The following TSPAN3 variants were observed in gnomAD, a reference collection of about 807,000 sequenced individuals.
TSPAN3 encodes tetraspanin-3.
In TSPAN3, 9 loss-of-function variants were observed where a neutral mutation model predicts 31.1. The observed-to-expected ratio is 0.29, with a 90% CI of 0.17 to 0.50. The LOEUF (loss-of-function observed/expected upper bound fraction) is 0.50, where lower values mean the gene tolerates loss of function less well. Ranked by LOEUF, TSPAN3 falls within the 20% of genes least tolerant of loss-of-function variation. TSPAN3 has a pLI of 0.98. For synonymous variants in TSPAN3, 129 were observed against 114.3 expected, an observed-to-expected ratio of 1.13 and a Z score of -0.82; for missense variants, 252 against 313.5, an observed-to-expected ratio of 0.80 and a Z score of 1.48.
chr15:77,068,917 T>C (rs982333749), intron 1 of TSPAN3, among the ~76,000 whole-genome samples: 1 of 152,242 alleles, frequency 6.6e-6, no homozygotes, highest in African/African-American at 2.4e-5. Context: ...TCCATGTTTT[T>C]GCTATTGTGA....
chr15:77,060,645 T>C (rs2076795297), intron 1 of TSPAN3, among the ~76,000 whole-genome samples: 2 of 151,760 alleles, frequency 1.3e-5, no homozygotes, highest in East Asian at 1.9e-4. Flanking sequence ...AGGGCCATGA[T>C]GGGATTGAGA....
intron 6 of TSPAN3, among the ~76,000 whole-genome samples, chr15:77,050,542 A>C (rs768905572): frequency 2.6e-5 from 4 of 152,222 alleles, no homozygotes; most frequent in Non-Finnish European, 4.4e-5. Context: ...GGACATAGCT[A>C]AAGTGATTAT....
chr15:77,053,029 G>A lies in TSPAN3; in HGVS notation c.433-100C>T. ...AAATAAGCTACTCTAGACCAGTGATGTCCGATACAACTTTCTATAATGGAA... is the reference window on the plus strand; with the variant it reads ...AAATAAGCTACTCTAGACCAGTGATATCCGATACAACTTTCTATAATGGAA... On this transcript the variant is annotated intron_variant, in intron 4 of 6. Coordinates refer to ENST00000267970, the MANE Select transcript of TSPAN3 (RefSeq NM_005724.6). 1.6e-5 allele frequency: 18 copies of A among 1,149,556 alleles called. No homozygotes were observed. In the South Asian group the frequency reaches 2.5e-4, roughly 16 times the overall value. 71.2% of individuals were successfully genotyped at this position (1,149,556 alleles called of 1,614,324 possible).
chr15:77,050,504 G>C (rs1331905389), intron 6 of TSPAN3, among the ~76,000 whole-genome samples: 2 of 152,104 alleles, frequency 1.3e-5, no homozygotes, highest in African/African-American at 2.4e-5. Flanking sequence ...AGAAATGTCT[G>C]GCAGGCTAAG....
chr15:77,046,798 C>G lies in TSPAN3; in HGVS notation c.*37G>C, dbSNP rs755528921. The G allele has an allele frequency of 4.6e-6, 7 of 1,506,928 alleles. No homozygotes were observed. Among genetic ancestry groups the G allele is most frequent in the South Asian group, 1.2e-5 (1 of 83,780 alleles). The allele number at this position is 1,506,928 out of a possible 1,614,324, so 93.3% of individuals were successfully genotyped here. On this transcript the variant is annotated 3_prime_UTR_variant, in exon 7 of 7. Transcript: ENST00000267970. ...GACCTGCTCAATTCACCTTCCAAAT[C>G]AGAACAAGACCAAAAAGCTCAGGCT...
chr15:77,066,229 G>C (rs971298065), intron 1 of TSPAN3, among the ~76,000 whole-genome samples: 4 of 152,168 alleles, frequency 2.6e-5, no homozygotes, highest in Non-Finnish European at 5.9e-5. Flanking sequence ...AATCCTGTCT[G>C]ACCTTGGTAC....
chr15:77,046,893 C>T lies in TSPAN3; in HGVS notation c.704G>A (p.Cys235Tyr), dbSNP rs2076695974. The T allele has an allele frequency of 3.8e-6, 6 of 1,590,504 alleles. No individual in the cohort carries two copies. Among genetic ancestry groups the T allele is most frequent in the Non-Finnish European group, 4.3e-6 (5 of 1,165,698 alleles). Residue 235 changes from cysteine to tyrosine, a missense_variant, in exon 7 of 7, where the codon TGC becomes TAC. Physicochemically the swap from Cys to Tyr is radical, Grantham distance 194. Transcript: ENST00000267970. ...GTAAGCAGGATCTCTACTCCTTCTG[C>T]ACAACACGATGCAAGCACACAGCAT... ...LGMLCACIVL[C>Y]RRSRDPAYEL...
rs756977436 is a variant in TSPAN3 at position 77,070,967 on chromosome 15, C to A, written c.-13G>T. ...CGCACTGGCCCATGGCGCCGGTGGCCCGCGAAGGCCCGGCCCGGAGAGCGG... is the reference window on the plus strand; with the variant it reads ...CGCACTGGCCCATGGCGCCGGTGGCACGCGAAGGCCCGGCCCGGAGAGCGG... On this transcript the variant is annotated 5_prime_UTR_variant, in exon 1 of 7. Transcript: ENST00000267970. The A allele has an allele frequency of 1.4e-6, 2 of 1,424,674 alleles. No individual in the cohort carries two copies. Among genetic ancestry groups the A allele is most frequent in the South Asian group, 2.8e-5 (2 of 70,802 alleles). The allele number at this position is 1,424,674 out of a possible 1,614,324, so 88.3% of individuals were successfully genotyped here. A position where few individuals can be genotyped will look rare whatever the true frequency, so the allele number is the denominator to read the frequency against.
rs1373697549 is a variant in TSPAN3 at position 77,042,472 on chromosome 15, A to C, written c.*4363T>G. 1 of 152,170 alleles carries C rather than the reference A, an allele frequency of 6.6e-6. No homozygotes were observed. The highest frequency in any genetic ancestry group is 1.5e-5 in the Non-Finnish European group (1 of 68,042). The allele number at this position is 152,170 out of a possible 1,614,324, so 9.4% of individuals were successfully genotyped here. On this transcript the variant is annotated 3_prime_UTR_variant, in exon 7 of 7. Transcript: ENST00000267970. The stretch of plus-strand genomic sequence containing the variant: ...GGAACATCTTGTTAGATCAGAAATT[A>C]GGGGAGTGCTTCCAAAAATGCTGGG...
At chr15:77,047,564 C>T (rs955728508) in intron 6 of TSPAN3, among the ~76,000 whole-genome samples, 1 of 152,106 alleles carries the variant, frequency 6.6e-6, no homozygotes, top group Admixed American at 6.6e-5. Context: ...TTGAAATCCA[C>T]GGTTCTGTGG....
chr15:77,051,407 A>G (rs995841967), intron 6 of TSPAN3, among the ~76,000 whole-genome samples: 1 of 152,014 alleles, frequency 6.6e-6, no homozygotes, highest in Non-Finnish European at 1.5e-5. Context: ...GGGAACCTGT[A>G]ATCCCAGCTA....
intron 1 of TSPAN3, among the ~76,000 whole-genome samples, chr15:77,060,585 G>C (rs183602897): frequency 6.6e-6 from 1 of 152,234 alleles, no homozygotes; most frequent in East Asian, 1.9e-4. Context: ...TGCAGAAATT[G>C]TGGCTATCAG....
chr15:77,066,205 C>T (rs1460600176), intron 1 of TSPAN3, among the ~76,000 whole-genome samples: 1 of 152,190 alleles, frequency 6.6e-6, no homozygotes, highest in South Asian at 2.1e-4. Context: ...GATTAAATGA[C>T]TTACCAAACT....
Position 77,071,056 on chromosome 15 carries a change from G to T in TSPAN3, c.-102C>A. ...CTCCTCGCTAGGAACTGCACGGCCT[G>T]CGCGGCGCTCCCCGCAGCCCCTGCG... On this transcript the variant is annotated 5_prime_UTR_variant, in exon 1 of 7. Coordinates refer to ENST00000267970, the MANE Select transcript of TSPAN3 (RefSeq NM_005724.6). 1.2e-6 allele frequency: 1 copy of T among 811,496 alleles called. No individual in the cohort carries two copies. Among genetic ancestry groups the T allele is most frequent in the Non-Finnish European group, 1.7e-6 (1 of 601,670 alleles). The allele number at this position is 811,496 out of a possible 1,614,324, so 50.3% of individuals were successfully genotyped here. A position where few individuals can be genotyped will look rare whatever the true frequency, so the allele number is the denominator to read the frequency against.
At chr15:77,050,830 AAGGGCAAAGACC>A (rs1488188563) in intron 6 of TSPAN3, among the ~76,000 whole-genome samples, 3 of 152,238 alleles carry the variant, frequency 2.0e-5, no homozygotes, top group Non-Finnish European at 2.9e-5. Context: ...AAATGCTTAG[AAGGGCAAAGACC>A]ATGGCAAATA....
rs1195975465 is a variant in TSPAN3, at chr15:77,046,661, G to GA, written c.*173dup. 5.3e-6 allele frequency: 3 copies of GA among 566,264 alleles called. No homozygotes were observed. Among genetic ancestry groups the GA allele is most frequent in the Non-Finnish European group, 9.4e-6 (3 of 319,858 alleles). The allele number at this position is 566,264 out of a possible 1,614,324, so 35.1% of individuals were successfully genotyped here. On this transcript the variant is annotated 3_prime_UTR_variant, in exon 7 of 7. Coordinates refer to ENST00000267970, the MANE Select transcript of TSPAN3 (RefSeq NM_005724.6). ...AAGAGTCAGCTAGAACAAGGAAAAAGAAAGTCGCAGGTAGTAGGTAAGTAG... is the reference window on the plus strand; with the variant it reads ...AAGAGTCAGCTAGAACAAGGAAAAAGAAAAGTCGCAGGTAGTAGGTAAGTAG...
Position 77,053,562 on chromosome 15 carries a change from T to C in TSPAN3, c.432+616A>G, listed in dbSNP as rs553197040. 4.7e-5 allele frequency among the ~76,000 whole-genome samples: 7 copies of C among 149,278 alleles called. No homozygotes were observed. In the South Asian group the frequency reaches 1.5e-3, roughly 32 times the overall value. ...AGGAAAATCTTCATGTCTTACATGT[T>C]AAATATCTGGTTCCATGTTAAATAT... On this transcript the variant is annotated intron_variant, in intron 4 of 6. Coordinates refer to ENST00000267970, the MANE Select transcript of TSPAN3 (RefSeq NM_005724.6).
intron 1 of TSPAN3, among the ~76,000 whole-genome samples, chr15:77,062,274 T>C (rs2076805290): frequency 6.6e-6 from 1 of 152,212 alleles, no homozygotes; most frequent in Admixed American, 6.5e-5. Flanking sequence ...CGTTTAGCAT[T>C]CTACTTGCCA....
chr15:77,069,391 T>C (rs1177529334), intron 1 of TSPAN3, among the ~76,000 whole-genome samples: 1 of 152,236 alleles, frequency 6.6e-6, no homozygotes, highest in Non-Finnish European at 1.5e-5. Flanking sequence ...CTTTTGCTAA[T>C]GGAACTGGTT....
Sources: gnomAD v4.1 joint callset for allele counts (sites outside exome capture counted in the v4.1 genomes callset) on GRCh38, gnomAD v4.1.1 for gene constraint, MANE v1.5 for transcripts, NCBI Gene and HGNC (gene_info 2026-07-23, HGNC 2026-07-21) for gene names.